SEMA6D: variants seen among roughly 807,000 people sequenced by gnomAD.
The protein encoded by SEMA6D is semaphorin-6D.
A neutral mutation model predicts 106.6 loss-of-function variants in SEMA6D; 35 were observed. The ratio of observed to expected loss-of-function variants is 0.33; its 90% CI spans 0.25 to 0.44. The LOEUF is 0.44. SEMA6D is among the 20% of genes least tolerant of loss of function. The pLI, the probability that SEMA6D is intolerant of heterozygous loss-of-function variation, is 1.00. For missense variants in SEMA6D, 1,185 were observed against 1,345.9 expected (o/e 0.88, Z 1.87); for synonymous variants, 499 against 487.7 (o/e 1.02, Z -0.31).
Position 47,760,416 on chromosome 15 carries a change from G to T in SEMA6D, c.221+1G>T. 1 of 1,608,310 alleles carries T rather than the reference G, an allele frequency of 6.2e-7. No homozygotes were observed. Among genetic ancestry groups the T allele is most frequent in the South Asian group, 1.1e-5 (1 of 90,880 alleles). The stretch of plus-strand genomic sequence containing the variant: ...GAGACACACTTTATATTGCTGGCAG[G>T]TAATTTTCCTCTCATTGGTTTATTA... On this transcript the variant is annotated splice_donor_variant, in intron 3 of 18. Transcript: ENST00000536845. LOFTEE classifies it high-confidence loss of function.
At chr15:47,577,516 G>C (rs902883226) in intron 3 of SEMA6D, among the ~76,000 whole-genome samples, 7 of 152,220 alleles carry the variant, frequency 4.6e-5, no homozygotes, top group African/African-American at 1.4e-4. Context: ...TTTAAGCTGG[G>C]ACATGAGCAT....
chr15:47,603,642 C>T (rs2292372), intron 4 of SEMA6D, among the ~76,000 whole-genome samples: 7,671 of 152,032 alleles, frequency 0.05, 216 homozygotes, highest in South Asian at 0.088. Flanking sequence ...TACAAATGTG[C>T]GAAAAGTCCC....
chr15:47,342,702 C>G (rs868802007), intron 1 of SEMA6D, among the ~76,000 whole-genome samples: 1 of 151,980 alleles, frequency 6.6e-6, no homozygotes, highest in Non-Finnish European at 1.5e-5. Flanking sequence ...CACTAAATCG[C>G]TCAAATTACT....
At chr15:47,505,091 AAGAG>A (rs985290293) in intron 3 of SEMA6D, among the ~76,000 whole-genome samples, 1 of 152,138 alleles carries the variant, frequency 6.6e-6, no homozygotes, top group Non-Finnish European at 1.5e-5. Context: ...GGCCAGGAGT[AAGAG>A]AGGAGATCAG....
intron 3 of SEMA6D, among the ~76,000 whole-genome samples, chr15:47,550,880 G>T (rs1337531421): frequency 6.6e-6 from 1 of 152,118 alleles, no homozygotes; most frequent in Non-Finnish European, 1.5e-5. Context: ...CCAACTTGGG[G>T]CAAAATTCGA....
chr15:47,557,745 C>T (rs1596314822), intron 3 of SEMA6D, among the ~76,000 whole-genome samples: 1 of 152,214 alleles, frequency 6.6e-6, no homozygotes, highest in East Asian at 1.9e-4. Context: ...TGTTAAAGGC[C>T]AGTGAATACA....
chr15:47,511,721 G>A, intron 3 of SEMA6D, among the ~76,000 whole-genome samples: 1 of 152,152 alleles, frequency 6.6e-6, no homozygotes, highest in East Asian at 1.9e-4. Context: ...GAAATCAAGG[G>A]AGCTGAGTAG....
chr15:47,415,241 T>G (rs560995398), intron 2 of SEMA6D, among the ~76,000 whole-genome samples: 3 of 152,184 alleles, frequency 2.0e-5, no homozygotes, highest in Non-Finnish European at 2.9e-5. Context: ...ATTATAACTT[T>G]CCCTGAATTG....
intron 1 of SEMA6D, among the ~76,000 whole-genome samples, chr15:47,205,964 A>T (rs1055159679): frequency 1.3e-4 from 20 of 152,304 alleles, no homozygotes; most frequent in African/African-American, 4.6e-4. Flanking sequence ...TTCTAAAATT[A>T]TCCCATTTTA....
At position 47,677,846 on chromosome 15, in the gene SEMA6D, G is replaced by A. The variant is rs1025173958; in HGVS notation, c.-55+76950G>A. Among the ~76,000 whole-genome samples, 7 of 152,112 alleles carry A rather than the reference G, an allele frequency of 4.6e-5. No homozygotes were observed. In the East Asian group the frequency reaches 5.8e-4, roughly 13 times the overall value. ...AATTGCTAGCAATTCTCATGATGTC[G>A]CTTTTAGACAGAGAATGTAAGAAAT... On this transcript the variant is annotated intron_variant, in intron 4 of 19. Transcript: ENST00000558014.
At chr15:47,716,448 C>G (rs1212063272), upstream of SEMA6D, among the ~76,000 whole-genome samples, 4 of 152,156 alleles carry the variant, frequency 2.6e-5, no homozygotes, top group African/African-American at 2.4e-5. Flanking sequence ...CCTTTCTGCG[C>G]CCCTCTCTTC....
chr15:47,574,128 G>A (rs1031923858), intron 3 of SEMA6D, among the ~76,000 whole-genome samples: 3 of 152,180 alleles, frequency 2.0e-5, no homozygotes, highest in African/African-American at 7.2e-5. Context: ...AATGCTTATT[G>A]TGTACCTCTA....
intron 2 of SEMA6D, among the ~76,000 whole-genome samples, chr15:47,421,464 T>TA (rs144247969): frequency 0.042 from 6,422 of 152,192 alleles, 477 homozygotes; most frequent in African/African-American, 0.15. Flanking sequence ...CCTAAATAAA[T>TA]ATGCACTAAT....
rs1385720096 is a variant in SEMA6D at position 47,468,413 on chromosome 15, G to A, written c.-158-2061G>A. ...TCTGCAGGGAAACAGGCAATGAGGA[G>A]CAAGAATTGTCCTACTCATGGTACT... On this transcript the variant is annotated intron_variant, in intron 2 of 19. Coordinates refer to the SEMA6D transcript ENST00000558014. Among the ~76,000 whole-genome samples, 6 of 152,170 alleles carry A rather than the reference G, an allele frequency of 3.9e-5. No homozygotes were observed. In the East Asian group the frequency reaches 1.2e-3, roughly 29 times the overall value.
At chr15:47,445,780 A>T (rs531377607) in intron 2 of SEMA6D, among the ~76,000 whole-genome samples, 1 of 152,094 alleles carries the variant, frequency 6.6e-6, no homozygotes, top group South Asian at 2.1e-4. Context: ...AAGTCAAGGC[A>T]TGTCCTCCCC....
chr15:47,402,492 G>T (rs917799781), intron 1 of SEMA6D, among the ~76,000 whole-genome samples: 1 of 152,160 alleles, frequency 6.6e-6, no homozygotes, highest in African/African-American at 2.4e-5. Flanking sequence ...ATGTAATAGG[G>T]CTAGCAGTCT....
intron 3 of SEMA6D, among the ~76,000 whole-genome samples, chr15:47,593,440 A>G (rs1185866308): frequency 1.4e-5 from 2 of 146,980 alleles, no homozygotes; most frequent in Non-Finnish European, 3.0e-5. Flanking sequence ...AAAAAATTCT[A>G]TACCGTCAAT....
chr15:47,531,874 A>C (rs1308467685), intron 3 of SEMA6D, among the ~76,000 whole-genome samples: 1 of 152,146 alleles, frequency 6.6e-6, no homozygotes, highest in Non-Finnish European at 1.5e-5. Flanking sequence ...GTTGGAGGGG[A>C]GGGGATTCTT....
At chr15:47,211,508 T>C (rs1489704082) in intron 1 of SEMA6D, among the ~76,000 whole-genome samples, 1 of 152,184 alleles carries the variant, frequency 6.6e-6, no homozygotes, top group Non-Finnish European at 1.5e-5. Context: ...AATATATCCT[T>C]TAGATGCATG....
Sources: gnomAD v4.1 joint callset for allele counts (sites outside exome capture counted in the v4.1 genomes callset) on GRCh38, gnomAD v4.1.1 for gene constraint, MANE v1.5 for transcripts, NCBI Gene and HGNC (gene_info 2026-07-23, HGNC 2026-07-21) for gene names.